BRWD3: variants seen among roughly 807,000 people sequenced by gnomAD.
BRWD3 encodes bromodomain and WD repeat domain containing 3.
Under a neutral mutation model 149.7 loss-of-function variants are expected in BRWD3, and 10 were observed. That is an observed-to-expected ratio of 0.07 (90% confidence interval 0.04 to 0.11). The LOEUF is 0.11. Ranked by LOEUF, BRWD3 falls within the 10% of genes least tolerant of loss-of-function variation. The pLI is 1.00. For synonymous variants in BRWD3, 504 were observed against 456.7 expected, an observed-to-expected ratio of 1.10 and a Z score of -1.32; for missense variants, 940 against 1,373.2, an observed-to-expected ratio of 0.68 and a Z score of 4.99.
At chrX:80,726,244 GTCTGTATA>G in intron 14 of BRWD3, among the ~76,000 whole-genome samples, 1 of 94,421 alleles carries the variant, frequency 1.1e-5, no homozygotes, top group South Asian at 5.6e-4. Context: ...CATGTTATAT[GTCTGTATA>G]ACATATAACA....
chrX:80,688,179 T>G (rs894332616), intron 33 of BRWD3, 54 bp from the exon 34 acceptor site: 15 of 919,746 alleles, frequency 1.6e-5, no homozygotes, highest in South Asian at 5.9e-5. Context: ...CAAAGTCATA[T>G]AAATTAGATG....
At position 80,809,055 on chromosome X, in the gene BRWD3, G is replaced by A; in HGVS notation, c.91-13C>T. 1 of 1,187,699 alleles carries A rather than the reference G, an allele frequency of 8.4e-7. No individual in the cohort carries two copies. Among genetic ancestry groups the A allele is most frequent in the East Asian group, 3.0e-5 (1 of 32,866 alleles). ...CCTGCACTAGCACCTGAGCAAAAGGGAAACACAGATATGAGGAGCAGCTCG... is the reference window on the plus strand; with the variant it reads ...CCTGCACTAGCACCTGAGCAAAAGGAAAACACAGATATGAGGAGCAGCTCG... On this transcript the variant is annotated splice_polypyrimidine_tract_variant and intron_variant, in intron 2 of 40. Transcript: ENST00000373275.
At chrX:80,756,126 G>A (rs776704484) in intron 6 of BRWD3, among the ~76,000 whole-genome samples, 15 of 111,092 alleles carry the variant, frequency 1.4e-4, no homozygotes, top group African/African-American at 3.6e-4. Flanking sequence ...CCAGTTCAGC[G>A]GTTTATTTAT....
chrX:80,690,162 T>C (rs1204683963), intron 31 of BRWD3, 70 bp from the exon 32 acceptor site: 3 of 1,064,468 alleles, frequency 2.8e-6, no homozygotes, highest in Non-Finnish European at 3.9e-6. Flanking sequence ...ATATACAATA[T>C]GGAACAAATA....
intron 36 of BRWD3, among the ~76,000 whole-genome samples, chrX:80,684,684 G>A (rs1054095142): frequency 1.8e-5 from 2 of 111,178 alleles, no homozygotes; most frequent in African/African-American, 3.3e-5. Context: ...TTGCTTCATC[G>A]AAGGTCTTCC....
chrX:80,682,450 T>C lies in BRWD3; in HGVS notation c.4397+15A>G. On this transcript the variant is annotated intron_variant, in intron 38 of 40. Transcript: ENST00000373275. ...TGCTTTGAGAACAAAAAATGTTGCA[T>C]CAATGTAATGATACCTAGGTGCTCC... 1 of 1,206,482 alleles carries C rather than the reference T, an allele frequency of 8.3e-7. No homozygotes were observed. The highest frequency in any genetic ancestry group is 1.1e-6 in the Non-Finnish European group (1 of 891,175).
At chrX:80,712,068 A>G (rs2072977596) in intron 20 of BRWD3, among the ~76,000 whole-genome samples, 1 of 112,019 alleles carries the variant, frequency 8.9e-6, no homozygotes, top group African/African-American at 3.2e-5. Context: ...AAGTATCTTT[A>G]GAATAAATTT....
At chrX:80,802,710 C>A (rs2074313151) in intron 4 of BRWD3, among the ~76,000 whole-genome samples, 1 of 110,708 alleles carries the variant, frequency 9.0e-6, no homozygotes, top group Non-Finnish European at 1.9e-5. Flanking sequence ...AAGTCAATCT[C>A]TGAGAGCTTA....
Position 80,677,303 on chromosome X carries a change from T to C in BRWD3, c.4715A>G (p.Lys1572Arg), listed in dbSNP as rs1335416362. Residue 1572 changes from lysine (K) to arginine (R), a missense_variant, in exon 41 of 41, where the codon AAG (lysine) becomes AGG (arginine). Around this residue, in one of 6 missense-constraint regions of BRWD3, gnomAD observed 349 missense variants for 419.6 expected, o/e 0.83. Coordinates refer to ENST00000373275, the MANE Select transcript of BRWD3 (RefSeq NM_153252.5). ...TTCTGATGCACTAAGTAGTTTTCTC[T>C]TGATTCCTGTCCGGGGCTCTCTGCC... ...GDGREPRTGIKRKLLSASEED... is the reference protein window; with the variant it reads ...GDGREPRTGIRRKLLSASEED... 2.5e-6 allele frequency: 3 copies of C among 1,209,177 alleles called. No individual in the cohort carries two copies. In the East Asian group the frequency reaches 8.9e-5, roughly 36 times the overall value.
chrX:80,739,676 G>A (rs1299929472), intron 8 of BRWD3, among the ~76,000 whole-genome samples: 1 of 111,684 alleles, frequency 9.0e-6, no homozygotes, highest in Non-Finnish European at 1.9e-5. Flanking sequence ...GACCTCCAGT[G>A]GATGCCTGAA....
intron 4 of BRWD3, among the ~76,000 whole-genome samples, chrX:80,808,220 T>A (rs1334038011): frequency 9.2e-6 from 1 of 109,105 alleles, no homozygotes; most frequent in Non-Finnish European, 1.9e-5. Flanking sequence ...TGCCCCAAGA[T>A]AACCCCTTGG....
intron 40 of BRWD3, among the ~76,000 whole-genome samples, chrX:80,680,689 AAG>A (rs2072432188): frequency 9.0e-6 from 1 of 111,597 alleles, no homozygotes; most frequent in Admixed American, 9.5e-5. Context: ...GACCTATTTA[AAG>A]ATGACTTTGG....
intron 6 of BRWD3, among the ~76,000 whole-genome samples, chrX:80,777,679 C>T (rs184027872): frequency 0.012 from 1,316 of 111,751 alleles, 9 homozygotes; most frequent in South Asian, 0.048. Context: ...ATTACAGGCA[C>T]GAGCCACCAT....
At chrX:80,740,915 T>A (rs2073480186) in intron 8 of BRWD3, among the ~76,000 whole-genome samples, 1 of 102,540 alleles carries the variant, frequency 9.8e-6, no homozygotes. Context: ...TTTATATTCT[T>A]TTTTTAAATT....
chrX:80,718,078 T>C (rs757957092), intron 18 of BRWD3, among the ~76,000 whole-genome samples: 1 of 111,972 alleles, frequency 8.9e-6, no homozygotes, highest in South Asian at 3.7e-4. Context: ...AAATGTTTAT[T>C]AGTACTAGTT....
Position 80,805,486 on chromosome X carries a change from A to T in BRWD3, c.180+3053T>A, listed in dbSNP as rs757499531. 1.8e-3 allele frequency among the ~76,000 whole-genome samples: 204 copies of T among 111,212 alleles called. 1 individual carries two copies. Among genetic ancestry groups the T allele is most frequent in the African/African-American group, 6.4e-3 (196 of 30,538 alleles). ...TTGTACTCTTTCCTTTTCATACCCC[A>T]ATACACCTTAAGTTTGTAATGCTGC... On this transcript the variant is annotated intron_variant, in intron 4 of 40. Coordinates refer to ENST00000373275, the MANE Select transcript of BRWD3 (RefSeq NM_153252.5).
chrX:80,681,404 C>T lies in BRWD3; in HGVS notation c.4591G>A (p.Gly1531Arg), dbSNP rs928893213. The change falls in exon 40 of 41, where the codon GGA becomes AGA. Residue 1531 changes from glycine to arginine, a missense_variant. Physicochemically the swap from Gly to Arg is moderately radical, Grantham distance 125. This residue lies in a region of BRWD3 where 349 missense variants were observed against 419.6 expected (regional missense o/e 0.83). Transcript: ENST00000373275. ...SSSFGGYSRS[G>R]NSHDPGKAKS... ...GCTTTCCCTGGGTCATGGCTATTTC[C>T]ACTTCGGCTATATCCACCGAAGCTC... The T allele has an allele frequency of 1.7e-6, 2 of 1,210,390 alleles. No individual in the cohort carries two copies. The highest frequency in any genetic ancestry group is 1.8e-5 in the South Asian group (1 of 56,909).
chrX:80,704,966 A>T (rs976250695), intron 22 of BRWD3, 120 bp from the exon 23 acceptor site: 1 of 747,966 alleles, frequency 1.3e-6, no homozygotes. Context: ...ATTTTTTTCT[A>T]ACTTAAGAGA....
At chrX:80,726,288 A>C (rs1416886890) in intron 14 of BRWD3, among the ~76,000 whole-genome samples, 1 of 105,958 alleles carries the variant, frequency 9.4e-6, no homozygotes, top group Non-Finnish European at 2.0e-5. Context: ...TCTGTATAAC[A>C]TATAACACGT....
Sources: allele counts gnomAD v4.1 joint callset (sites outside exome capture counted in the v4.1 genomes callset), GRCh38; gene constraint gnomAD v4.1.1; regional missense constraint gnomAD v4.1.1; transcripts MANE v1.5; gene names NCBI Gene and HGNC (gene_info 2026-07-23, HGNC 2026-07-21).